ADGRL3: variants seen among roughly 807,000 people sequenced by gnomAD.
ADGRL3 encodes the protein adhesion G protein-coupled receptor L3.
Under a neutral mutation model 153.5 loss-of-function variants are expected in ADGRL3, and 62 were observed. The observed-to-expected ratio is 0.40, with a 90% CI of 0.33 to 0.50. The LOEUF is 0.50. ADGRL3 is among the 20% of genes least tolerant of loss of function. ADGRL3 has a pLI of 0.47. For missense variants in ADGRL3, 1,641 were observed against 1,859.4 expected (o/e 0.88, Z 2.16); for synonymous variants, 710 against 672.5 (o/e 1.06, Z -0.86).
chr4:61,690,222 A>G (rs2151112213), intron 6 of ADGRL3, among the ~76,000 whole-genome samples: 1 of 152,228 alleles, frequency 6.6e-6, no homozygotes, highest in East Asian at 1.9e-4. Flanking sequence ...AGGCGGGAGG[A>G]TGGCTTGAGC....
intron 5 of ADGRL3, among the ~76,000 whole-genome samples, chr4:61,626,124 T>C (rs531756405): frequency 9.2e-5 from 14 of 151,688 alleles, no homozygotes; most frequent in Non-Finnish European, 1.5e-4. Context: ...TTTCTCACTT[T>C]AAAATCTACA....
chr4:61,491,738 C>A (rs116779600), intron 2 of ADGRL3, among the ~76,000 whole-genome samples: 22 of 152,076 alleles, frequency 1.4e-4, no homozygotes, highest in African/African-American at 5.3e-4. Flanking sequence ...TTTCTCCATA[C>A]GTCAGTGTTA....
chr4:61,941,281 A>T (rs2098891879), intron 15 of ADGRL3, among the ~76,000 whole-genome samples: 1 of 131,280 alleles, frequency 7.6e-6, no homozygotes, highest in African/African-American at 2.9e-5. Flanking sequence ...GTTCTGTTCC[A>T]TTGATCTATA....
intron 21 of ADGRL3, among the ~76,000 whole-genome samples, chr4:62,019,644 A>G (rs1019745112): frequency 6.6e-6 from 1 of 152,070 alleles, no homozygotes. Flanking sequence ...CTTCTGTATT[A>G]AAAGCAGAAT....
chr4:61,856,954 T>TTCTC (rs1287800101), intron 9 of ADGRL3, among the ~76,000 whole-genome samples: 6 of 40,338 alleles, frequency 1.5e-4, no homozygotes, highest in South Asian at 1.4e-3. Flanking sequence ...CTTCTTCTCT[T>TTCTC]TCTTTCTTTC....
intron 17 of ADGRL3, among the ~76,000 whole-genome samples, chr4:61,949,004 G>C (rs1053202101): frequency 1.3e-5 from 2 of 149,626 alleles, no homozygotes; most frequent in African/African-American, 4.9e-5. Context: ...GGAGGCCTAG[G>C]TCAGGAAACT....
intron 4 of ADGRL3, among the ~76,000 whole-genome samples, chr4:61,548,390 C>T (rs1398117210): frequency 2.0e-5 from 3 of 151,992 alleles, no homozygotes; most frequent in African/African-American, 7.2e-5. Context: ...TCTAGATTAT[C>T]TTCAAGAGTT....
intron 2 of ADGRL3, among the ~76,000 whole-genome samples, chr4:61,480,038 C>T (rs1268706648): frequency 6.6e-6 from 1 of 152,052 alleles, no homozygotes; most frequent in East Asian, 1.9e-4. Flanking sequence ...TTTGTGATAA[C>T]ACTTAAGATC....
At chr4:61,360,028 A>G (rs577269834) in intron 1 of ADGRL3, among the ~76,000 whole-genome samples, 28 of 152,258 alleles carry the variant, frequency 1.8e-4, no homozygotes, top group African/African-American at 6.0e-4. Flanking sequence ...TTGCATTTCT[A>G]TGGAATAAAA....
rs140181502 is a variant in ADGRL3, at chr4:61,456,097, C to T, written c.-173-41024C>T. Among the ~76,000 whole-genome samples, 866 of 151,916 alleles carry T rather than the reference C, an allele frequency of 5.7e-3. 11 individuals are homozygous for T. The highest frequency in any genetic ancestry group is 0.02 in the African/African-American group (821 of 41,454). On this transcript the variant is annotated intron_variant, in intron 2 of 26. Coordinates refer to ENST00000683033, the MANE Select transcript of ADGRL3 (RefSeq NM_001387552.1). ...TCCCAAAGTGGCATGAGCCAATATG[C>T]CCGGCCGACCCTACATTATTTTAAG...
intron 1 of ADGRL3, among the ~76,000 whole-genome samples, chr4:61,372,411 G>A (rs1006514115): frequency 1.1e-4 from 16 of 151,810 alleles, no homozygotes; most frequent in Admixed American, 7.9e-4. Flanking sequence ...GGTTTTTGGT[G>A]TGGATGTCCT....
At chr4:61,677,389 G>A in intron 6 of ADGRL3, 1 of 422,138 alleles carries the variant, frequency 2.4e-6, no homozygotes, top group Non-Finnish European at 4.6e-6. Flanking sequence ...CATCCAGAAG[G>A]AGTAGACCAG....
rs1367019030 is a variant in ADGRL3, at chr4:62,072,632, A to G, written c.*1724A>G. The stretch of plus-strand genomic sequence containing the variant: ...TACAGGTTTGCAGACAAAGTAAACC[A>G]GAAAAATGGAATGGGCATGTTTATT... On this transcript the variant is annotated 3_prime_UTR_variant, in exon 27 of 27. Coordinates refer to ENST00000683033, the MANE Select transcript of ADGRL3 (RefSeq NM_001387552.1). 3 of 152,228 alleles carry G rather than the reference A, an allele frequency of 2.0e-5. No homozygotes were observed. Among genetic ancestry groups the G allele is most frequent in the Non-Finnish European group, 2.9e-5 (2 of 68,030 alleles). 9.4% of individuals were successfully genotyped at this position (152,228 alleles called of 1,614,324 possible).
chr4:61,870,038 G>GAGAA (rs1218820585), intron 9 of ADGRL3, among the ~76,000 whole-genome samples: 1 of 146,482 alleles, frequency 6.8e-6, no homozygotes, highest in East Asian at 2.0e-4. Context: ...AAGAAAGAAA[G>GAGAA]AGAAAGAAAA....
chr4:61,286,292 C>A (rs72634740), intron 1 of ADGRL3, among the ~76,000 whole-genome samples: 2,629 of 150,418 alleles, frequency 0.017, 34 homozygotes, highest in Middle Eastern at 0.038. Context: ...CCTCAGAGAG[C>A]AATGAAGGTT....
At chr4:61,358,411 C>A (rs2096220072) in intron 1 of ADGRL3, among the ~76,000 whole-genome samples, 1 of 151,854 alleles carries the variant, frequency 6.6e-6, no homozygotes, top group Non-Finnish European at 1.5e-5. Context: ...TCCTGGCTAA[C>A]AGGATGAAAC....
intron 2 of ADGRL3, among the ~76,000 whole-genome samples, chr4:61,414,375 A>G (rs1317598294): frequency 2.0e-5 from 3 of 152,144 alleles, no homozygotes; most frequent in Admixed American, 6.6e-5. Flanking sequence ...ACTACTAAAC[A>G]TATGTTAATT....
rs1201463803 is a variant in ADGRL3, at chr4:62,073,739, A to G, written c.*2831A>G. The G allele has an allele frequency of 6.6e-6, 1 of 152,122 alleles. No individual in the cohort carries two copies. Among genetic ancestry groups the G allele is most frequent in the East Asian group, 1.9e-4 (1 of 5,154 alleles). The allele number at this position is 152,122 out of a possible 1,614,324, so 9.4% of individuals were successfully genotyped here. On this transcript the variant is annotated 3_prime_UTR_variant, in exon 27 of 27. Coordinates refer to ENST00000683033, the MANE Select transcript of ADGRL3 (RefSeq NM_001387552.1). ...CTGAAGAAAGATCACTTGAATACAC[A>G]AACTGGTGCAGAAGAACATTCAGCA...
At chr4:61,991,209 T>C (rs773231131) in intron 19 of ADGRL3, among the ~76,000 whole-genome samples, 3 of 151,996 alleles carry the variant, frequency 2.0e-5, no homozygotes, top group Non-Finnish European at 2.9e-5. Context: ...AAATAGATTG[T>C]ATTAAAAAGC....
Sources: gnomAD v4.1 joint callset for allele counts (sites outside exome capture counted in the v4.1 genomes callset) on GRCh38, gnomAD v4.1.1 for gene constraint, MANE v1.5 for transcripts, NCBI Gene and HGNC (gene_info 2026-07-23, HGNC 2026-07-21) for gene names.